The following PPFIBP2 variants were observed in gnomAD, a reference collection of about 807,000 sequenced individuals.
PPFIBP2 encodes the protein liprin-beta-2.
A neutral mutation model predicts 118.3 loss-of-function variants in PPFIBP2; 118 were observed. The ratio of observed to expected loss-of-function variants is 1.00; its 90% confidence interval spans 0.86 to 1.16. The LOEUF is 1.16. PPFIBP2 is among the 50% of genes most tolerant of loss of function. The probability of loss-of-function intolerance (pLI) is 0.00; values close to 1 mark genes in which losing one functional copy is unlikely to be tolerated. For missense variants in PPFIBP2, 1,195 were observed against 1,073.1 expected, an observed-to-expected ratio of 1.11 and a Z score of -1.59; for synonymous variants, 414 against 397.4, an observed-to-expected ratio of 1.04 and a Z score of -0.50.
At chr11:7,560,936 G>A (rs1210346757) in intron 2 of PPFIBP2, among the ~76,000 whole-genome samples, 1 of 152,106 alleles carries the variant, frequency 6.6e-6, no homozygotes, top group East Asian at 1.9e-4. Context: ...TTTAATTCCA[G>A]AACTGCCCAT....
chr11:7,625,931 C>T (rs760873782), intron 8 of PPFIBP2, 40 bp downstream of exon 8: 3 of 1,527,218 alleles, frequency 2.0e-6, no homozygotes, highest in Non-Finnish European at 2.7e-6. Flanking sequence ...TTGTCTGGGT[C>T]CCTGGGTCTA....
chr11:7,618,466 T>C (rs1411369572), intron 6 of PPFIBP2, among the ~76,000 whole-genome samples: 1 of 152,166 alleles, frequency 6.6e-6, no homozygotes. Flanking sequence ...ACACTTCTGA[T>C]TCTGATATCA....
At chr11:7,574,042 T>C (rs1855974182) in intron 3 of PPFIBP2, 1 of 152,160 alleles carries the variant, frequency 6.6e-6, no homozygotes, top group African/African-American at 2.4e-5. Context: ...AATCCTGGGG[T>C]TCTCTTCTAG....
At chr11:7,565,459 C>T (rs1854855920) in intron 2 of PPFIBP2, 94 bp from the exon 3 acceptor site, 1 of 1,315,352 alleles carries the variant, frequency 7.6e-7, no homozygotes, top group Non-Finnish European at 1.1e-6. Flanking sequence ...TTATCTGTCC[C>T]TTTCACCGTT....
intron 6 of PPFIBP2, among the ~76,000 whole-genome samples, chr11:7,618,885 G>GTTTTTTTTTTTTT (rs36101082): frequency 8.0e-6 from 1 of 124,552 alleles, no homozygotes; most frequent in African/African-American, 3.1e-5. Context: ...CCATCCAGAA[G>GTTTTTTTTTTTTT]TTTTTTTTTT....
downstream of PPFIBP2, among the ~76,000 whole-genome samples, chr11:7,660,995 C>A (rs1854878620): frequency 1.3e-5 from 2 of 151,844 alleles, no homozygotes; most frequent in South Asian, 4.2e-4. Context: ...GTGGTGATAT[C>A]CCCTGTATCA....
intron 1 of PPFIBP2, among the ~76,000 whole-genome samples, chr11:7,545,104 G>T (rs1217402124): frequency 1.3e-5 from 2 of 152,150 alleles, no homozygotes; most frequent in Non-Finnish European, 2.9e-5. Flanking sequence ...CTGGGATTCA[G>T]TTACCCAAGG....
intron 5 of PPFIBP2, 82 bp downstream of exon 5, chr11:7,597,755 C>T: frequency 8.8e-7 from 1 of 1,130,016 alleles, no homozygotes; most frequent in Non-Finnish European, 1.3e-6. Context: ...GGCTACAGCC[C>T]TCGCTGTCTG....
At chr11:7,645,554 C>A (rs753266663) in intron 17 of PPFIBP2, among the ~76,000 whole-genome samples, 1 of 152,142 alleles carries the variant, frequency 6.6e-6, no homozygotes. Context: ...TATTTCCCAG[C>A]GTGTTCAGTG....
At chr11:7,569,472 G>T (rs1001132780) in intron 3 of PPFIBP2, among the ~76,000 whole-genome samples, 1 of 152,240 alleles carries the variant, frequency 6.6e-6, no homozygotes, top group Non-Finnish European at 1.5e-5. Flanking sequence ...GCCTAGAAGG[G>T]CATGTGCAAG....
chr11:7,599,071 T>A (rs1294394993), intron 5 of PPFIBP2, among the ~76,000 whole-genome samples: 1 of 148,668 alleles, frequency 6.7e-6, no homozygotes, highest in South Asian at 2.1e-4. Context: ...TAATATTTCC[T>A]AAAAATCTGA....
In PPFIBP2 at chr11:7,628,301, T is replaced by C. The variant is rs1310919745; in HGVS notation, c.843T>C (p.Arg281=). The change falls in exon 9 of 24, where the codon CGT becomes CGC. Residue 281 remains arginine, a synonymous_variant. Transcript: ENST00000299492. ...TTCTTTTAGACCAAGAAATTCAACGTCTGAAAATGGGGATGGAAACTTTGC... is the reference window on the plus strand; with the variant it reads ...TTCTTTTAGACCAAGAAATTCAACGCCTGAAAATGGGGATGGAAACTTTGC... ...SHTERDQEIQ[R]LKMGMETLLL... The C allele has an allele frequency of 1.9e-6, 3 of 1,613,722 alleles. No individual in the cohort carries two copies. The African/African-American group carries it at 4.0e-5, about 22-fold the overall frequency.
intron 5 of PPFIBP2, chr11:7,597,924 G>C (rs1860679746): frequency 2.4e-6 from 1 of 417,034 alleles, no homozygotes; most frequent in African/African-American, 2.0e-5. Context: ...CAGATTCCCA[G>C]ACAGCACTTT....
At chr11:7,619,686 G>T (rs1314715800) in intron 6 of PPFIBP2, among the ~76,000 whole-genome samples, 1 of 152,344 alleles carries the variant, frequency 6.6e-6, no homozygotes, top group South Asian at 2.1e-4. Flanking sequence ...TGTTTTCCTG[G>T]AAGTAGAATT....
chr11:7,515,371 C>G (rs1416176389), intron 1 of PPFIBP2, among the ~76,000 whole-genome samples: 2 of 152,074 alleles, frequency 1.3e-5, no homozygotes, highest in Non-Finnish European at 2.9e-5. Flanking sequence ...TACCATGATG[C>G]CTTCTTTACT....
At chr11:7,550,895 C>G (rs1007963808) in intron 2 of PPFIBP2, among the ~76,000 whole-genome samples, 2 of 152,176 alleles carry the variant, frequency 1.3e-5, no homozygotes, top group Non-Finnish European at 2.9e-5. Flanking sequence ...TGGATGCTTC[C>G]TGCCCCCAAA....
downstream of PPFIBP2, among the ~76,000 whole-genome samples, chr11:7,656,561 G>C (rs1449164967): frequency 6.6e-6 from 1 of 152,176 alleles, no homozygotes; most frequent in Non-Finnish European, 1.5e-5. Context: ...TAATAGTGTT[G>C]TTTATTCTGA....
intron 1 of PPFIBP2, among the ~76,000 whole-genome samples, chr11:7,541,640 C>A (rs1163642181): frequency 6.6e-6 from 1 of 152,152 alleles, no homozygotes; most frequent in Non-Finnish European, 1.5e-5. Flanking sequence ...TCACTTCATG[C>A]AATTGCTTAA....
intron 5 of PPFIBP2, 137 bp downstream of exon 5, chr11:7,597,810 G>A (rs4758204): frequency 0.99 from 696,845 of 706,936 alleles, 344,112 homozygotes; most frequent in East Asian, 1. Context: ...TCAGTTGTAC[G>A]GTGTTTATAC....
Sources: gnomAD v4.1 joint callset for allele counts (sites outside exome capture counted in the v4.1 genomes callset) on GRCh38, gnomAD v4.1.1 for gene constraint, MANE v1.5 for transcripts, NCBI Gene and HGNC (gene_info 2026-07-23, HGNC 2026-07-21) for gene names.